ZNF451: variants seen among roughly 807,000 people sequenced by gnomAD.
ZNF451 encodes the protein zinc finger protein 451.
In ZNF451, 80 loss-of-function variants were observed where a neutral mutation model predicts 107.1. That is an observed-to-expected ratio of 0.75 (90% CI 0.62 to 0.90). The LOEUF is 0.90. ZNF451 is among the 40% of genes least tolerant of loss of function. The pLI, the probability that ZNF451 is intolerant of heterozygous loss-of-function variation, is 0.00. For synonymous variants in ZNF451, 362 were observed against 406.5 expected, an observed-to-expected ratio of 0.89 and a Z score of 1.32; for missense variants, 1,107 against 1,236.2, an observed-to-expected ratio of 0.90 and a Z score of 1.57.
intron 13 of ZNF451, among the ~76,000 whole-genome samples, chr6:57,157,608 C>A (rs1763488282): frequency 6.6e-6 from 1 of 152,140 alleles, no homozygotes; most frequent in Non-Finnish European, 1.5e-5. Context: ...CTTGTAGAGA[C>A]ATTTAAAAAG....
intron 2 of ZNF451, chr6:57,092,731 G>A (rs1269748804): frequency 2.6e-5 from 4 of 151,982 alleles, no homozygotes; most frequent in South Asian, 2.1e-4. Flanking sequence ...TTACTTCTTC[G>A]TTTTTACGGT....
Position 57,140,395 on chromosome 6 carries a change from G to A in ZNF451, c.703-907G>A, listed in dbSNP as rs569157827. Among the ~76,000 whole-genome samples the A allele has an allele frequency of 2.0e-5, 3 of 152,120 alleles. No individual in the cohort carries two copies. The South Asian group carries it at 6.2e-4, about 32-fold the overall frequency. On this transcript the variant is annotated intron_variant, in intron 7 of 14. Coordinates refer to ENST00000370706, the MANE Select transcript of ZNF451 (RefSeq NM_001031623.3). ...AGCCTGGGCAACGTGGGGAAACCCTGTCTCTACCAAAAATACAAAAATTTG... is the reference window on the plus strand; with the variant it reads ...AGCCTGGGCAACGTGGGGAAACCCTATCTCTACCAAAAATACAAAAATTTG...
chr6:57,096,083 C>T (rs2127933469), intron 2 of ZNF451, among the ~76,000 whole-genome samples: 1 of 152,082 alleles, frequency 6.6e-6, no homozygotes, highest in Middle Eastern at 3.4e-3. Flanking sequence ...CTTGGCCTCC[C>T]AAAGTGCTGA....
At chr6:57,164,651 T>G (rs1271017543) in intron 14 of ZNF451, among the ~76,000 whole-genome samples, 1 of 152,198 alleles carries the variant, frequency 6.6e-6, no homozygotes, top group Non-Finnish European at 1.5e-5. Context: ...AGTCAGACTA[T>G]TCTCTTCATT....
At chr6:57,102,599 A>C (rs1163152942) in intron 3 of ZNF451, 32 of 986,354 alleles carry the variant, frequency 3.2e-5, no homozygotes, top group Non-Finnish European at 3.9e-5. Flanking sequence ...ATCTGTTAAA[A>C]TGTCTTTATG....
At chr6:57,127,461 G>A (rs992075418) in intron 4 of ZNF451, among the ~76,000 whole-genome samples, 1 of 151,906 alleles carries the variant, frequency 6.6e-6, no homozygotes, top group Non-Finnish European at 1.5e-5. Context: ...CCACTTTTTC[G>A]CCTCATTTAT....
intron 3 of ZNF451, chr6:57,106,329 G>C: frequency 2.2e-6 from 1 of 462,284 alleles, no homozygotes; most frequent in Non-Finnish European, 2.5e-6. Flanking sequence ...TTTTTTTTTT[G>C]AGACAGTTTC....
At chr6:57,103,030 T>C in intron 3 of ZNF451, 1 of 985,404 alleles carries the variant, frequency 1.0e-6, no homozygotes, top group Non-Finnish European at 1.2e-6. Flanking sequence ...TTCTAAACAT[T>C]TAATTCTTTT....
intron 2 of ZNF451, among the ~76,000 whole-genome samples, chr6:57,094,142 A>T (rs1380293095): frequency 6.6e-6 from 1 of 152,212 alleles, no homozygotes; most frequent in African/African-American, 2.4e-5. Context: ...CAGTTTTCTC[A>T]TAACAGGAAT....
chr6:57,134,246 G>C (rs1460458721), intron 6 of ZNF451: 1 of 152,442 alleles, frequency 6.6e-6, no homozygotes, highest in Non-Finnish European at 1.5e-5. Context: ...AAATTTGATA[G>C]CATACTATAC....
chr6:57,150,795 C>A lies in ZNF451; in HGVS notation c.2685C>A (p.Asn895Lys). The change falls in exon 11 of 15, where the codon AAC becomes AAA. Residue 895 changes from asparagine (N) to lysine (K), a missense_variant. By Grantham distance (94) the Asn-to-Lys change is moderately conservative. Coordinates refer to ENST00000370706, the MANE Select transcript of ZNF451 (RefSeq NM_001031623.3). The part of the protein sequence containing the change: ...MTHIVFVDFD[N>K]WSNFFGHLPG... ...ATATAGTCTTTGTAGATTTTGATAA[C>A]TGGTCAAACTTTTTTGGTCATCTAC... is the stretch of plus-strand genomic sequence containing the variant. 1.2e-6 allele frequency: 2 copies of A among 1,613,970 alleles called. No homozygotes were observed. Among genetic ancestry groups the A allele is most frequent in the Non-Finnish European group, 1.7e-6 (2 of 1,179,968 alleles).
chr6:57,119,855 CT>C (rs370426779), intron 3 of ZNF451, among the ~76,000 whole-genome samples: 292 of 142,862 alleles, frequency 2.0e-3, no homozygotes, highest in African/African-American at 3.6e-3. Context: ...ATTGTCATTA[CT>C]TTTTTTTTTT....
chr6:57,107,835 A>G lies in ZNF451; in HGVS notation c.186+8694A>G, dbSNP rs1396260572. ...CGTGAAAGTAAATAGTTTATATTTG[A>G]TGATTTTTTTTTTTTTTTTTTGAGA... On this transcript the variant is annotated intron_variant, in intron 3 of 14. Transcript: ENST00000370706. 8.8e-6 allele frequency: 8 copies of G among 908,252 alleles called. No homozygotes were observed. In the East Asian group the frequency reaches 8.3e-4, roughly 94 times the overall value. The allele number at this position is 908,252 out of a possible 1,614,324, so 56.3% of individuals were successfully genotyped here.
In ZNF451 at chr6:57,161,079, T is replaced by C. The variant is rs756644174; in HGVS notation, c.3071-5T>C. 16 of 1,542,634 alleles carry C rather than the reference T, an allele frequency of 1.0e-5. No homozygotes were observed. Among genetic ancestry groups the C allele is most frequent in the Non-Finnish European group, 1.2e-5 (14 of 1,150,024 alleles). On this transcript the variant is annotated splice_polypyrimidine_tract_variant and splice_region_variant and intron_variant, in intron 13 of 14. Coordinates refer to ENST00000370706, the MANE Select transcript of ZNF451 (RefSeq NM_001031623.3). ...ATAACTGCATGTATTGATTCTTCTT[T>C]ACAGAATGTGACAGTGATGATAACA...
At chr6:57,093,139 G>T (rs1314991286) in intron 2 of ZNF451, 1 of 152,056 alleles carries the variant, frequency 6.6e-6, no homozygotes, top group Non-Finnish European at 1.5e-5. Context: ...GATTTTTTAT[G>T]TGATTTACTT....
chr6:57,129,161 T>A (rs1267433382), intron 5 of ZNF451, among the ~76,000 whole-genome samples: 1 of 152,170 alleles, frequency 6.6e-6, no homozygotes. Context: ...ACAGATTATT[T>A]GAGGTCAGAA....
chr6:57,093,794 C>T (rs1430369029), intron 2 of ZNF451, among the ~76,000 whole-genome samples: 1 of 152,148 alleles, frequency 6.6e-6, no homozygotes, highest in Admixed American at 6.5e-5. Flanking sequence ...TATGTGTAGT[C>T]GTGAAAGATT....
At chr6:57,153,578 A>G (rs992369589) in intron 12 of ZNF451, among the ~76,000 whole-genome samples, 2 of 151,774 alleles carry the variant, frequency 1.3e-5, no homozygotes, top group African/African-American at 2.4e-5. Flanking sequence ...CACCCAGCTA[A>G]TTTTTGCATT....
intron 4 of ZNF451, among the ~76,000 whole-genome samples, chr6:57,128,483 T>C (rs572034764): frequency 6.6e-6 from 1 of 152,340 alleles, no homozygotes; most frequent in South Asian, 2.1e-4. Flanking sequence ...GTACATACCA[T>C]AATTTACTTA....
Sources: allele counts gnomAD v4.1 joint callset (sites outside exome capture counted in the v4.1 genomes callset), GRCh38; gene constraint gnomAD v4.1.1; transcripts MANE v1.5; gene names NCBI Gene and HGNC (gene_info 2026-07-23, HGNC 2026-07-21).